Variants in CSMD1 observed in about 807,000 individuals in gnomAD.
The protein encoded by CSMD1 is CUB and Sushi multiple domains 1.
In CSMD1, 213 loss-of-function variants were observed where a neutral mutation model predicts 417.5. The ratio of observed to expected loss-of-function variants is 0.51; its 90% CI spans 0.46 to 0.57. The LOEUF is 0.57. Among genes scored for constraint, CSMD1 ranks in the 20% least tolerant of loss-of-function variants. CSMD1 has a pLI of 0.00. For synonymous variants in CSMD1, 2,862 were observed against 1,736.8 expected (o/e 1.65, Z -16.11); for missense variants, 6,923 against 4,529.7 (o/e 1.53, Z -15.17).
chr8:3,109,541 C>A (rs1816366914), intron 43 of CSMD1, among the ~76,000 whole-genome samples: 1 of 152,162 alleles, frequency 6.6e-6, no homozygotes, highest in South Asian at 2.1e-4. Context: ...ACTTTATTTC[C>A]CACAAAATGA....
intron 5 of CSMD1, among the ~76,000 whole-genome samples, chr8:3,826,936 G>C (rs1320378220): frequency 6.6e-6 from 1 of 151,980 alleles, no homozygotes; most frequent in Non-Finnish European, 1.5e-5. Flanking sequence ...ACAGGCATGT[G>C]CCTAGCTATT....
chr8:4,791,435 T>C (rs1797682937), intron 1 of CSMD1, among the ~76,000 whole-genome samples: 1 of 152,186 alleles, frequency 6.6e-6, no homozygotes. Context: ...CCCCATCCCT[T>C]GGTCTATAAG....
chr8:4,432,979 T>C (rs753872573), intron 2 of CSMD1, among the ~76,000 whole-genome samples: 1 of 152,128 alleles, frequency 6.6e-6, no homozygotes, highest in Non-Finnish European at 1.5e-5. Context: ...CACCCTCCTG[T>C]CAGATCAGTG....
intron 1 of CSMD1, among the ~76,000 whole-genome samples, chr8:4,975,332 T>C (rs191010930): frequency 3.3e-5 from 5 of 152,330 alleles, no homozygotes; most frequent in Admixed American, 3.3e-4. Flanking sequence ...GTTAAAAGCA[T>C]TGGCAATAAG....
chr8:4,350,578 T>G (rs1439033192), intron 3 of CSMD1, among the ~76,000 whole-genome samples: 1 of 152,102 alleles, frequency 6.6e-6, no homozygotes, highest in Admixed American at 6.6e-5. Context: ...CAATTAACAC[T>G]TCCACGCTTA....
chr8:3,173,163 CTGAG>C (rs1161598566), intron 37 of CSMD1, among the ~76,000 whole-genome samples: 2 of 152,222 alleles, frequency 1.3e-5, no homozygotes, highest in African/African-American at 2.4e-5. Context: ...GTCCCTTACA[CTGAG>C]TAATTGTTAA....
At chr8:4,455,040 A>C (rs1210626721) in intron 2 of CSMD1, among the ~76,000 whole-genome samples, 2 of 150,558 alleles carry the variant, frequency 1.3e-5, no homozygotes, top group Non-Finnish European at 2.9e-5. Context: ...TGTCATCAAC[A>C]CAATATCACC....
In CSMD1 at chr8:4,409,420, G is replaced by C. The variant is rs372852026; in HGVS notation, c.415+10533C>G. 1.9e-3 allele frequency among the ~76,000 whole-genome samples: 293 copies of C among 152,014 alleles called. 2 individuals are homozygous for C. Among genetic ancestry groups the C allele is most frequent in the Middle Eastern group, 0.01 (3 of 294 alleles). On this transcript the variant is annotated intron_variant, in intron 3 of 69. Coordinates refer to ENST00000635120, the MANE Select transcript of CSMD1 (RefSeq NM_033225.6). Reference sequence around the variant, plus strand: ...TCAGTGATTTTCACCCCATATTCTTGTCATTTTAGAATAAAAACAAATCAA... The same window carrying C: ...TCAGTGATTTTCACCCCATATTCTTCTCATTTTAGAATAAAAACAAATCAA...
chr8:4,366,684 T>G (rs1802092025), intron 3 of CSMD1, among the ~76,000 whole-genome samples: 1 of 152,118 alleles, frequency 6.6e-6, no homozygotes, highest in Admixed American at 6.5e-5. Context: ...TAGTTACTGA[T>G]GAGCGTTTTT....
At chr8:4,105,614 C>T (rs1167756532) in intron 3 of CSMD1, among the ~76,000 whole-genome samples, 6 of 152,128 alleles carry the variant, frequency 3.9e-5, no homozygotes, top group Non-Finnish European at 7.3e-5. Flanking sequence ...GAAGAGGAAA[C>T]AGGGAAAGCA....
intron 8 of CSMD1, among the ~76,000 whole-genome samples, chr8:3,597,774 G>C (rs544929856): frequency 2.2e-4 from 33 of 152,246 alleles, no homozygotes; most frequent in South Asian, 4.1e-4. Context: ...CTCATAAGTG[G>C]GAGTTGAACA....
At chr8:3,532,560 T>G (rs1798026817) in intron 10 of CSMD1, among the ~76,000 whole-genome samples, 1 of 152,176 alleles carries the variant, frequency 6.6e-6, no homozygotes, top group South Asian at 2.1e-4. Context: ...GGACGTAGGT[T>G]CAACACAGGA....
intron 5 of CSMD1, among the ~76,000 whole-genome samples, chr8:3,797,878 G>C (rs190875520): frequency 6.6e-6 from 1 of 151,988 alleles, no homozygotes; most frequent in East Asian, 1.9e-4. Flanking sequence ...CCCACAGTAA[G>C]TGAGCATGCA....
Position 4,355,556 on chromosome 8 carries a change from TAAC to T in CSMD1, c.415+64394_415+64396del, listed in dbSNP as rs781571921. On this transcript the variant is annotated intron_variant, in intron 3 of 69. Coordinates refer to ENST00000635120, the MANE Select transcript of CSMD1 (RefSeq NM_033225.6). ...CTCCTTCAGTACATAAGTGAAGAAA[TAAC>T]AACTGCAACAAAACTTGGTGAGGGA... Among the ~76,000 whole-genome samples, 4 of 152,182 alleles carry T rather than the reference TAAC, an allele frequency of 2.6e-5. No individual in the cohort carries two copies. In the East Asian group the frequency reaches 5.8e-4, roughly 22 times the overall value.
chr8:3,445,903 T>A (rs1431131654), intron 12 of CSMD1, among the ~76,000 whole-genome samples: 1 of 152,128 alleles, frequency 6.6e-6, no homozygotes, highest in East Asian at 1.9e-4. Flanking sequence ...TTGAGATCTA[T>A]CATCTTGACT....
chr8:3,433,319 G>T (rs1460971635), intron 12 of CSMD1, among the ~76,000 whole-genome samples: 2 of 152,122 alleles, frequency 1.3e-5, no homozygotes, highest in Non-Finnish European at 2.9e-5. Flanking sequence ...CCTTGACAGG[G>T]ACTTCCACTG....
At chr8:4,384,363 C>G (rs1803305096) in intron 3 of CSMD1, among the ~76,000 whole-genome samples, 1 of 152,128 alleles carries the variant, frequency 6.6e-6, no homozygotes, top group African/African-American at 2.4e-5. Context: ...GCATCTGAGG[C>G]CCATCACTAT....
chr8:3,785,748 T>C (rs960330188), intron 5 of CSMD1, among the ~76,000 whole-genome samples: 8 of 152,058 alleles, frequency 5.3e-5, no homozygotes, highest in African/African-American at 1.9e-4. Flanking sequence ...AGCCAGGAGC[T>C]AGGAAGCCTA....
At chr8:4,578,903 C>T (rs10104296) in intron 2 of CSMD1, among the ~76,000 whole-genome samples, 66,557 of 149,176 alleles carry the variant, frequency 0.45, 15,072 homozygotes, top group South Asian at 0.53. Flanking sequence ...TTTGAAATCA[C>T]CATGTGAAAA....
Sources: allele counts gnomAD v4.1 joint callset (sites outside exome capture counted in the v4.1 genomes callset), GRCh38; gene constraint gnomAD v4.1.1; transcripts MANE v1.5; gene names NCBI Gene and HGNC (gene_info 2026-07-23, HGNC 2026-07-21).